MTHFD1L: variants seen among roughly 807,000 people sequenced by gnomAD.
The protein encoded by MTHFD1L is monofunctional C1-tetrahydrofolate synthase, mitochondrial.
In MTHFD1L, 81 loss-of-function variants were observed where a neutral mutation model predicts 119.5. The observed-to-expected ratio is 0.68, with a 90% CI of 0.57 to 0.82. The LOEUF (loss-of-function observed/expected upper bound fraction) is 0.82. Among genes scored for constraint, MTHFD1L ranks in the 40% least tolerant of loss-of-function variants. The pLI is 0.00. For missense variants in MTHFD1L, 1,125 were observed against 1,253.4 expected, an observed-to-expected ratio of 0.90 and a Z score of 1.55; for synonymous variants, 430 against 475.2, an observed-to-expected ratio of 0.90 and a Z score of 1.24.
At chr6:151,045,578 T>C (rs1289095331) in intron 26 of MTHFD1L, among the ~76,000 whole-genome samples, 1 of 152,224 alleles carries the variant, frequency 6.6e-6, no homozygotes, top group Non-Finnish European at 1.5e-5. Flanking sequence ...AAGCCAGGTT[T>C]GGCTCATGCT....
intron 15 of MTHFD1L, among the ~76,000 whole-genome samples, chr6:150,948,790 G>GTA (rs1794425763): frequency 7.2e-6 from 1 of 139,092 alleles, no homozygotes; most frequent in Non-Finnish European, 1.6e-5. Flanking sequence ...ACAGGCATGC[G>GTA]CCACCATGCC....
In MTHFD1L at chr6:150,949,025, C is replaced by T. The variant is rs1388308968; in HGVS notation, c.1624-6C>T. On this transcript the variant is annotated splice_region_variant and splice_polypyrimidine_tract_variant and intron_variant, in intron 15 of 27. Transcript: ENST00000367321. ...ACTTCTCACCTTTTTTCTTCTTAAT[C>T]ATTAGAAACTGGGAATAAATAAGAC... The T allele has an allele frequency of 1.9e-6, 3 of 1,607,374 alleles. No individual in the cohort carries two copies. The highest frequency in any genetic ancestry group is 1.7e-4 in the Middle Eastern group (1 of 6,048).
intron 24 of MTHFD1L, among the ~76,000 whole-genome samples, chr6:151,018,085 C>T (rs1014651634): frequency 2.0e-5 from 3 of 152,102 alleles, no homozygotes; most frequent in South Asian, 2.1e-4. Context: ...TCTTTGCACC[C>T]GTCTGACATC....
intron 7 of MTHFD1L, among the ~76,000 whole-genome samples, chr6:150,904,075 T>C (rs712211): frequency 0.55 from 82,821 of 151,958 alleles, 23,083 homozygotes; most frequent in East Asian, 0.81. Context: ...CCATCTCTTG[T>C]CCCAAGATTT....
chr6:151,022,541 C>G (rs1376245485), intron 24 of MTHFD1L, among the ~76,000 whole-genome samples: 1 of 152,158 alleles, frequency 6.6e-6, no homozygotes, highest in African/African-American at 2.4e-5. Context: ...TGATGCACAT[C>G]TCTGTTGCCT....
intron 18 of MTHFD1L, among the ~76,000 whole-genome samples, chr6:150,964,158 A>G (rs1412509993): frequency 6.6e-6 from 1 of 152,238 alleles, no homozygotes; most frequent in African/African-American, 2.4e-5. Flanking sequence ...TCTCAAAAAA[A>G]GAAAGAAAAG....
chr6:150,887,982 G>C lies in MTHFD1L; in HGVS notation c.780+1G>C, dbSNP rs779791220. The stretch of plus-strand genomic sequence containing the variant: ...GAAAACACGCCAGCTTCAAAGCAAG[G>C]TAAATTTCATGTTAGAAACATACAT... On this transcript the variant is annotated splice_donor_variant, in intron 7 of 27. Transcript: ENST00000367321. LOFTEE classifies it high-confidence loss of function. The C allele has an allele frequency of 1.0e-5, 16 of 1,595,654 alleles. No homozygotes were observed. Among genetic ancestry groups the C allele is most frequent in the East Asian group, 2.2e-5 (1 of 44,536 alleles).
chr6:151,022,886 T>A (rs1784138837), intron 24 of MTHFD1L, among the ~76,000 whole-genome samples: 1 of 152,200 alleles, frequency 6.6e-6, no homozygotes, highest in African/African-American at 2.4e-5. Flanking sequence ...ATGGTTGAGC[T>A]GCCTTTAAAC....
At chr6:151,085,943 T>G (rs898199195) in intron 26 of MTHFD1L, among the ~76,000 whole-genome samples, 2 of 152,090 alleles carry the variant, frequency 1.3e-5, no homozygotes, top group Non-Finnish European at 2.9e-5. Flanking sequence ...TAGCAGGGAC[T>G]GGGTCCTGGT....
chr6:150,923,550 T>TA (rs1583579454), intron 10 of MTHFD1L, among the ~76,000 whole-genome samples: 3 of 140,648 alleles, frequency 2.1e-5, no homozygotes, highest in Middle Eastern at 3.6e-3. Context: ...TTTTCTTTTT[T>TA]TTTTTTTTTT....
At chr6:151,015,461 T>C (rs964226813) in intron 23 of MTHFD1L, 55 bp from the exon 24 acceptor site, 10 of 1,547,006 alleles carry the variant, frequency 6.5e-6, no homozygotes, top group Non-Finnish European at 8.7e-6. Flanking sequence ...AGTCTTTCTT[T>C]GAAAACATAG....
chr6:150,968,436 C>T (rs1797538666), intron 19 of MTHFD1L, among the ~76,000 whole-genome samples: 1 of 152,214 alleles, frequency 6.6e-6, no homozygotes, highest in Admixed American at 6.5e-5. Flanking sequence ...TCCTTCATAA[C>T]ACTTCTCCCT....
rs141497870 is a variant in MTHFD1L at position 150,916,115 on chromosome 6, C to T, written c.893-2462C>T. On this transcript the variant is annotated intron_variant, in intron 8 of 27. Coordinates refer to ENST00000367321, the MANE Select transcript of MTHFD1L (RefSeq NM_015440.5). ...CCCAAGGGATATGATTATATGATTACCCAACACCCTAATACAGTTTAAGAA... is the reference window on the plus strand; with the variant it reads ...CCCAAGGGATATGATTATATGATTATCCAACACCCTAATACAGTTTAAGAA... Among the ~76,000 whole-genome samples the T allele has an allele frequency of 5.1e-4, 78 of 152,136 alleles. 1 individual carries two copies. In the East Asian group the frequency reaches 0.013, roughly 25 times the overall value.
chr6:150,884,204 C>T (rs561102583), intron 5 of MTHFD1L, among the ~76,000 whole-genome samples: 4 of 150,032 alleles, frequency 2.7e-5, no homozygotes, highest in East Asian at 2.0e-4. Flanking sequence ...TGCAGTGACA[C>T]GATCTCGGCT....
Position 150,922,246 on chromosome 6 carries a change from G to C in MTHFD1L, c.1026G>C (p.Gln342His), listed in dbSNP as rs759894018. ...SSGRRWLREQ[Q>H]HRRWRLHCLK... ...GAAGGAGATGGCTTCGTGAACAGCA[G>C]CACAGGCGGTGGAGACTTCACTGCT... is the stretch of plus-strand genomic sequence containing the variant. Residue 342 changes from glutamine to histidine, a missense_variant, in exon 10 of 28, where the codon CAG (glutamine) becomes CAC (histidine). By Grantham distance (24) the Gln-to-His change is conservative. Transcript: ENST00000367321. 1 of 1,614,074 alleles carries C rather than the reference G, an allele frequency of 6.2e-7. No homozygotes were observed.
intron 20 of MTHFD1L, among the ~76,000 whole-genome samples, chr6:150,976,687 T>C: frequency 6.6e-6 from 1 of 152,094 alleles, no homozygotes; most frequent in Non-Finnish European, 1.5e-5. Context: ...AAACTGTATG[T>C]GATAAAAGAT....
chr6:150,943,898 C>T (rs113551320), intron 13 of MTHFD1L, among the ~76,000 whole-genome samples: 56 of 152,180 alleles, frequency 3.7e-4, no homozygotes, highest in African/African-American at 1.1e-3. Context: ...TTATTTTATG[C>T]CCTGCCTCAC....
intron 26 of MTHFD1L, chr6:151,088,112 T>A (rs1297559901): frequency 2.0e-5 from 3 of 152,206 alleles, no homozygotes; most frequent in African/African-American, 7.2e-5. Flanking sequence ...CAGTTTTTTT[T>A]ATTGGGAGAA....
intron 26 of MTHFD1L, among the ~76,000 whole-genome samples, chr6:151,090,977 C>T (rs1399335805): frequency 3.0e-5 from 3 of 101,120 alleles, no homozygotes; most frequent in East Asian, 7.7e-4. Context: ...TCGCCCCATG[C>T]GACTGGGTGC....
Sources: allele counts gnomAD v4.1 joint callset (sites outside exome capture counted in the v4.1 genomes callset), GRCh38; gene constraint gnomAD v4.1.1; transcripts MANE v1.5; gene names NCBI Gene and HGNC (gene_info 2026-07-23, HGNC 2026-07-21).